The following IQCJ variants were observed in gnomAD, a reference collection of about 807,000 sequenced individuals.
IQCJ encodes the protein IQ domain-containing protein J.
A neutral mutation model predicts 11.0 loss-of-function variants in IQCJ; 9 were observed. That is an observed-to-expected ratio of 0.82 (90% CI 0.49 to 1.43). The LOEUF (loss-of-function observed/expected upper bound fraction) is 1.43. Ranked by LOEUF, IQCJ falls within the 40% of genes most tolerant of loss-of-function variation. The probability of loss-of-function intolerance (pLI) is 0.00; values close to 1 mark genes in which losing one functional copy is unlikely to be tolerated. For synonymous variants in IQCJ, 55 were observed against 51.3 expected (o/e 1.07, Z -0.31); for missense variants, 146 against 133.2 (o/e 1.10, Z -0.47).
chr3:159,180,033 A>T (rs1723006205), intron 1 of IQCJ, among the ~76,000 whole-genome samples: 1 of 152,232 alleles, frequency 6.6e-6, no homozygotes, highest in African/African-American at 2.4e-5. Flanking sequence ...TAGAAGAAGC[A>T]AAGCTTTCAC....
intron 1 of IQCJ, among the ~76,000 whole-genome samples, chr3:159,145,269 G>T (rs146147796): frequency 1.6e-4 from 24 of 152,190 alleles, no homozygotes; most frequent in African/African-American, 5.3e-4. Flanking sequence ...TGAAAAGAAT[G>T]GTGGAGAAAG....
chr3:159,122,382 A>G (rs1442734449), intron 1 of IQCJ, among the ~76,000 whole-genome samples: 3 of 152,198 alleles, frequency 2.0e-5, no homozygotes, highest in Non-Finnish European at 2.9e-5. Flanking sequence ...ACTGTTCGAT[A>G]TGAGACTTCG....
intron 1 of IQCJ, among the ~76,000 whole-genome samples, chr3:159,165,904 A>G (rs1448230205): frequency 1.3e-5 from 2 of 150,614 alleles, no homozygotes; most frequent in Non-Finnish European, 2.9e-5. Flanking sequence ...GCTGGGATTC[A>G]GGCATGAGCC....
At chr3:159,251,432 C>G (rs1272396287) in intron 2 of IQCJ, among the ~76,000 whole-genome samples, 1 of 151,666 alleles carries the variant, frequency 6.6e-6, no homozygotes, top group Non-Finnish European at 1.5e-5. Context: ...GCATGGAGCT[C>G]CCTGCTGCAA....
rs536997569 is a variant in IQCJ, at chr3:159,161,474, G to A, written c.10-84369G>A. ...GGTTGTGAAAATTTTCTCCCAATTT[G>A]TAGGTTGCCTGCTCACTCTGATGGT... is the stretch of plus-strand genomic sequence containing the variant. On this transcript the variant is annotated intron_variant, in intron 1 of 3. Coordinates refer to ENST00000397832, the MANE Select transcript of IQCJ (RefSeq NM_001042706.3). Among the ~76,000 whole-genome samples, 33 of 152,188 alleles carry A rather than the reference G, an allele frequency of 2.2e-4. No homozygotes were observed. The South Asian group carries it at 6.7e-3, about 31-fold the overall frequency.
chr3:159,222,031 T>C (rs1160863044), intron 1 of IQCJ, among the ~76,000 whole-genome samples: 1 of 152,134 alleles, frequency 6.6e-6, no homozygotes, highest in Non-Finnish European at 1.5e-5. Flanking sequence ...ATTCAATCCC[T>C]ATAGAAAAAG....
chr3:159,196,227 G>A (rs1723975184), intron 1 of IQCJ, among the ~76,000 whole-genome samples: 1 of 152,108 alleles, frequency 6.6e-6, no homozygotes, highest in South Asian at 2.1e-4. Flanking sequence ...GCAAATGGTA[G>A]CTATTATTTT....
intron 1 of IQCJ, among the ~76,000 whole-genome samples, chr3:159,104,078 G>A (rs1443329384): frequency 6.6e-6 from 1 of 152,200 alleles, no homozygotes; most frequent in Non-Finnish European, 1.5e-5. Flanking sequence ...AATGAGCAAA[G>A]CAGATATGGG....
At chr3:159,075,554 T>C (rs1023820833) in intron 1 of IQCJ, among the ~76,000 whole-genome samples, 1 of 152,088 alleles carries the variant, frequency 6.6e-6, no homozygotes, top group Non-Finnish European at 1.5e-5. Context: ...CTCCAGAGCA[T>C]AGAGCTATCG....
At chr3:159,152,133 G>C (rs1185271812) in intron 1 of IQCJ, among the ~76,000 whole-genome samples, 2 of 152,110 alleles carry the variant, frequency 1.3e-5, no homozygotes, top group African/African-American at 4.8e-5. Context: ...AGCAATGATT[G>C]CCGCCTCCAG....
At chr3:159,232,044 G>A (rs547767701) in intron 1 of IQCJ, among the ~76,000 whole-genome samples, 1 of 152,066 alleles carries the variant, frequency 6.6e-6, no homozygotes, top group African/African-American at 2.4e-5. Context: ...AGTCTGGCTA[G>A]TGGTCTATCT....
chr3:159,156,375 G>A (rs1721521685), intron 1 of IQCJ, among the ~76,000 whole-genome samples: 1 of 152,190 alleles, frequency 6.6e-6, no homozygotes, highest in Non-Finnish European at 1.5e-5. Flanking sequence ...GGTTTAGAAG[G>A]CCATGTATGA....
chr3:159,182,766 A>AT (rs1560016652), intron 1 of IQCJ, among the ~76,000 whole-genome samples: 1 of 132,962 alleles, frequency 7.5e-6, no homozygotes, highest in South Asian at 2.5e-4. Context: ...GTCAATCTTT[A>AT]TTTTTATTTA....
intron 1 of IQCJ, among the ~76,000 whole-genome samples, chr3:159,148,272 T>C (rs1284405036): frequency 6.6e-6 from 1 of 152,248 alleles, no homozygotes; most frequent in Non-Finnish European, 1.5e-5. Context: ...ATACAGATCT[T>C]CCAGCCTCCT....
chr3:159,221,393 T>A (rs920911101), intron 1 of IQCJ, among the ~76,000 whole-genome samples: 1 of 152,140 alleles, frequency 6.6e-6, no homozygotes, highest in Non-Finnish European at 1.5e-5. Context: ...CCTTAAAGGG[T>A]TAAGTAAGGC....
chr3:159,069,883 G>C, intron 1 of IQCJ: 1 of 335,806 alleles, frequency 3.0e-6, no homozygotes. Context: ...GTGTGTGTGT[G>C]TGTGCGTGTG....
chr3:159,174,690 T>A (rs1343354367), intron 1 of IQCJ, among the ~76,000 whole-genome samples: 1 of 152,218 alleles, frequency 6.6e-6, no homozygotes, highest in Non-Finnish European at 1.5e-5. Context: ...ATATTTCTTA[T>A]CCACATTTAT....
In IQCJ at chr3:159,263,498, C is replaced by T. The variant is rs1252155085; in HGVS notation, c.*767C>T. The T allele has an allele frequency of 2.0e-6, 2 of 984,124 alleles. No individual in the cohort carries two copies. The highest frequency in any genetic ancestry group is 2.4e-6 in the Non-Finnish European group (2 of 828,946). 61.0% of individuals were successfully genotyped at this position (984,124 alleles called of 1,614,324 possible). A position where few individuals can be genotyped will look rare whatever the true frequency, so the allele number is the denominator to read the frequency against. On this transcript the variant is annotated 3_prime_UTR_variant, in exon 4 of 4. Transcript: ENST00000397832. ...AAATCAGTGATGAGGGATTTATGAACCAGGATTTTGTGGATTTAAGCATTG... is the reference window on the plus strand; with the variant it reads ...AAATCAGTGATGAGGGATTTATGAATCAGGATTTTGTGGATTTAAGCATTG...
chr3:159,128,189 A>G (rs1719783436), intron 1 of IQCJ, among the ~76,000 whole-genome samples: 1 of 152,188 alleles, frequency 6.6e-6, no homozygotes, highest in Non-Finnish European at 1.5e-5. Flanking sequence ...TAAATGTAAA[A>G]ATTCATGGGA....
Sources: gnomAD v4.1 joint callset for allele counts (sites outside exome capture counted in the v4.1 genomes callset) on GRCh38, gnomAD v4.1.1 for gene constraint, MANE v1.5 for transcripts, NCBI Gene and HGNC (gene_info 2026-07-23, HGNC 2026-07-21) for gene names.